The following DNAH11 variants were observed in gnomAD, a reference collection of about 807,000 sequenced individuals.
DNAH11 encodes the protein dynein axonemal heavy chain 11.
A neutral mutation model predicts 526.0 loss-of-function variants in DNAH11; 442 were observed. The observed-to-expected ratio is 0.84, with a 90% CI of 0.78 to 0.91. DNAH11 has a LOEUF of 0.91. Ranked by LOEUF, DNAH11 falls within the 40% of genes least tolerant of loss-of-function variation. The probability of loss-of-function intolerance (pLI) is 0.00; values close to 1 mark genes in which losing one functional copy is unlikely to be tolerated. For missense variants in DNAH11, 6,989 were observed against 5,448.7 expected (o/e 1.28, Z -8.90); for synonymous variants, 2,461 against 1,935.9 (o/e 1.27, Z -7.12).
At chr7:21,660,118 A>G (rs140917984) in intron 30 of DNAH11, among the ~76,000 whole-genome samples, 177 of 152,172 alleles carry the variant, frequency 1.2e-3, no homozygotes, top group African/African-American at 3.9e-3. Flanking sequence ...AATTCTAGTA[A>G]CTACCACTTG....
At chr7:21,711,491 TTATG>T (rs1305229714) in intron 41 of DNAH11, among the ~76,000 whole-genome samples, 1 of 152,208 alleles carries the variant, frequency 6.6e-6, no homozygotes, top group Non-Finnish European at 1.5e-5. Flanking sequence ...ATTACTACAA[TTATG>T]TAAAGGTCGA....
chr7:21,748,804 C>G (rs1786275637), intron 52 of DNAH11, 62 bp downstream of exon 52: 2 of 1,526,512 alleles, frequency 1.3e-6, no homozygotes, highest in African/African-American at 2.7e-5. Flanking sequence ...GCCGAGGCTC[C>G]TAGTGCGCCC....
At chr7:21,716,436 C>T (rs1007580015) in intron 42 of DNAH11, among the ~76,000 whole-genome samples, 3 of 152,156 alleles carry the variant, frequency 2.0e-5, no homozygotes, top group African/African-American at 7.2e-5. Flanking sequence ...TTACCCTCTC[C>T]ATTTACAGAG....
chr7:21,773,517 A>G (rs764792527), intron 55 of DNAH11, among the ~76,000 whole-genome samples: 48 of 152,156 alleles, frequency 3.2e-4, no homozygotes, highest in Non-Finnish European at 5.9e-4. Flanking sequence ...TGGCTTTTGT[A>G]TTTGGTATGT....
intron 25 of DNAH11, among the ~76,000 whole-genome samples, chr7:21,624,921 T>C (rs1478216842): frequency 6.6e-6 from 1 of 152,200 alleles, no homozygotes; most frequent in African/African-American, 2.4e-5. Context: ...TTTAGTGTAC[T>C]GTTAAAATCA....
intron 66 of DNAH11, among the ~76,000 whole-genome samples, chr7:21,845,339 T>G (rs1304017547): frequency 6.6e-6 from 1 of 152,212 alleles, no homozygotes; most frequent in Non-Finnish European, 1.5e-5. Flanking sequence ...TGTGTAGTTT[T>G]GGTTCTTACA....
chr7:21,823,223 A>G (rs1327787792), intron 65 of DNAH11, among the ~76,000 whole-genome samples: 1 of 151,988 alleles, frequency 6.6e-6, no homozygotes, highest in African/African-American at 2.4e-5. Context: ...AACAGGCACT[A>G]CTATCTTTTG....
intron 37 of DNAH11, 67 bp from the exon 38 acceptor site, chr7:21,704,367 A>G: frequency 1.4e-6 from 2 of 1,462,180 alleles, no homozygotes; most frequent in Admixed American, 2.1e-5. Flanking sequence ...AATAACAAAC[A>G]TCTTTAGTTT....
At chr7:21,876,391 A>T (rs1348811733) in intron 74 of DNAH11, among the ~76,000 whole-genome samples, 1 of 152,252 alleles carries the variant, frequency 6.6e-6, no homozygotes, top group Non-Finnish European at 1.5e-5. Flanking sequence ...ACCTGTCATT[A>T]TGTTAGAAAA....
chr7:21,598,641 G>T (rs1187675666), intron 14 of DNAH11, among the ~76,000 whole-genome samples: 1 of 151,564 alleles, frequency 6.6e-6, no homozygotes, highest in Non-Finnish European at 1.5e-5. Context: ...CTTAAACAAG[G>T]TCTGAAAACA....
chr7:21,688,877 A>G (rs1446875333), intron 34 of DNAH11, among the ~76,000 whole-genome samples: 2 of 152,208 alleles, frequency 1.3e-5, no homozygotes, highest in African/African-American at 4.8e-5. Flanking sequence ...TCTTTGTAAC[A>G]TTTTTATCAA....
chr7:21,830,414 G>A (rs747413381), intron 65 of DNAH11, among the ~76,000 whole-genome samples: 5 of 152,196 alleles, frequency 3.3e-5, no homozygotes, highest in African/African-American at 7.2e-5. Context: ...CTAGCAGGGC[G>A]TGTGCTCTGA....
intron 14 of DNAH11, among the ~76,000 whole-genome samples, chr7:21,591,859 T>C (rs1278336051): frequency 1.3e-5 from 2 of 152,176 alleles, no homozygotes; most frequent in African/African-American, 4.8e-5. Context: ...TGCATCCTCT[T>C]TTGGATGCTC....
rs755518744 is a variant in DNAH11, at chr7:21,725,884, G to C, written c.7340G>C (p.Gly2447Ala). 5 of 1,606,754 alleles carry C rather than the reference G, an allele frequency of 3.1e-6. No individual in the cohort carries two copies. The highest frequency in any genetic ancestry group is 4.3e-6 in the Non-Finnish European group (5 of 1,176,372). Residue 2447 changes from glycine to alanine, a missense_variant, in exon 45 of 82, where the codon GGA becomes GCA. Gly to Ala is a moderately conservative substitution (Grantham distance 60). Coordinates refer to ENST00000409508, the MANE Select transcript of DNAH11 (RefSeq NM_001277115.2). Reference protein sequence around the residue: ...EMKAVKFPSQGTIFDYYVDHK... With the variant: ...EMKAVKFPSQATIFDYYVDHK... ...AAAGCAGTGAAATTTCCGTCGCAGGGAACAATCTTTGATTATTATGTGGAC... is the reference window on the plus strand; with the variant it reads ...AAAGCAGTGAAATTTCCGTCGCAGGCAACAATCTTTGATTATTATGTGGAC...
At chr7:21,772,052 A>T (rs1408324030) in intron 55 of DNAH11, among the ~76,000 whole-genome samples, 1 of 152,202 alleles carries the variant, frequency 6.6e-6, no homozygotes, top group Admixed American at 6.5e-5. Flanking sequence ...CCAGTCATCA[A>T]AGAGGTCTGT....
At position 21,698,152 on chromosome 7, in the gene DNAH11, G is replaced by C. The variant is rs751779702; in HGVS notation, c.6119G>C (p.Arg2040Pro). Residue 2040 changes from arginine to proline, a missense_variant, in exon 36 of 82, where the codon CGT (arginine) becomes CCT (proline). By Grantham distance (103) the Arg-to-Pro change is moderately radical. Transcript: ENST00000409508. Reference protein sequence around the residue: ...LLVAEGFVDARALARKFITLY... With the variant: ...LLVAEGFVDAPALARKFITLY... ...GTTGCTGAAGGTTTTGTGGATGCGC[G>C]TGCATTAGCCCGAAAGTTCATTACG... 1.1e-5 allele frequency: 17 copies of C among 1,613,494 alleles called. No homozygotes were observed. The highest frequency in any genetic ancestry group is 1.4e-5 in the Non-Finnish European group (16 of 1,179,718).
rs778819474 is a variant in DNAH11, at chr7:21,866,502, A to T, written c.11529A>T (p.Ile3843=). The change falls in exon 71 of 82, where the codon ATA becomes ATT. Residue 3843 remains isoleucine (I), a synonymous_variant. Coordinates refer to ENST00000409508, the MANE Select transcript of DNAH11 (RefSeq NM_001277115.2). The part of the protein sequence containing the change: ...AIAVMEEFRG[I]DRDVEGSAKQ... ...CCGTCATGGAAGAATTTCGAGGCAT[A>T]GACCGAGATGTGGAAGGATCTGCCA... The T allele has an allele frequency of 1.2e-6, 2 of 1,613,072 alleles. No homozygotes were observed. Among genetic ancestry groups the T allele is most frequent in the South Asian group, 2.2e-5 (2 of 90,910 alleles).
At position 21,636,042 on chromosome 7, in the gene DNAH11, A is replaced by T. The variant is rs1786849433; in HGVS notation, c.4672A>T (p.Ile1558Phe). 5.6e-6 allele frequency: 9 copies of T among 1,613,504 alleles called. No individual in the cohort carries two copies. Among genetic ancestry groups the T allele is most frequent in the African/African-American group, 2.7e-5 (2 of 74,944 alleles). Reference protein sequence around the residue: ...SIFVCSEDIRIQLVKDARRFD... With the variant: ...SIFVCSEDIRFQLVKDARRFD... ...TTTTGTCTGTTCAGAAGATATTCGAATCCAGCTTGTGAAAGATGCTAGAAG... is the reference window on the plus strand; with the variant it reads ...TTTTGTCTGTTCAGAAGATATTCGATTCCAGCTTGTGAAAGATGCTAGAAG... Residue 1558 changes from isoleucine (I) to phenylalanine (F), a missense_variant, in exon 26 of 82, where the codon ATC becomes TTC. By Grantham distance (21) the Ile-to-Phe change is conservative. Coordinates refer to ENST00000409508, the MANE Select transcript of DNAH11 (RefSeq NM_001277115.2).
At chr7:21,778,244 C>T (rs537615544) in intron 56 of DNAH11, among the ~76,000 whole-genome samples, 3 of 152,038 alleles carry the variant, frequency 2.0e-5, no homozygotes, top group African/African-American at 7.2e-5. Context: ...GCTGAGTTCT[C>T]CAAGAGCTGA....
Sources: allele counts gnomAD v4.1 joint callset (sites outside exome capture counted in the v4.1 genomes callset), GRCh38; gene constraint gnomAD v4.1.1; transcripts MANE v1.5; gene names NCBI Gene and HGNC (gene_info 2026-07-23, HGNC 2026-07-21).